ATAD2B: variants seen among roughly 807,000 people sequenced by gnomAD.
ATAD2B encodes ATPase family AAA domain containing 2B.
ATAD2B carries 40 observed loss-of-function variants against 167.6 expected under a neutral mutation model. The observed-to-expected ratio is 0.24, with a 90% CI of 0.19 to 0.31. The LOEUF is 0.31. ATAD2B is among the 10% of genes least tolerant of loss of function. The pLI is 1.00. For missense variants in ATAD2B, 1,242 were observed against 1,757.2 expected (o/e 0.71, Z 5.24); for synonymous variants, 579 against 596.5 (o/e 0.97, Z 0.43).
chr2:23,872,158 G>A (rs1015608347), intron 8 of ATAD2B: 4 of 289,380 alleles, frequency 1.4e-5, no homozygotes, highest in East Asian at 8.5e-5. Flanking sequence ...TTACAGGCAT[G>A]AGCCACCATG....
the ATAD2B span, among the ~76,000 whole-genome samples, chr2:23,687,664 A>G: frequency 1.3e-5 from 2 of 152,146 alleles, no homozygotes; most frequent in African/African-American, 2.4e-5. Context: ...GGTCATTCAG[A>G]GAGGCTCCTT....
intron 16 of ATAD2B, among the ~76,000 whole-genome samples, chr2:23,822,917 CAAAAAAAAAAAAAA>C (rs33911389): frequency 3.0e-5 from 2 of 66,314 alleles, no homozygotes; most frequent in Non-Finnish European, 2.6e-5. Context: ...AACTCCATCT[CAAAAAAAAAAAAAA>C]AAAAAAAAAA....
At chr2:23,905,159 G>A (rs1399945363) in intron 1 of ATAD2B, among the ~76,000 whole-genome samples, 1 of 152,022 alleles carries the variant, frequency 6.6e-6, no homozygotes, top group African/African-American at 2.4e-5. Context: ...TTTCTAAAAG[G>A]TAGTTTCTAA....
chr2:23,768,312 C>A (rs72780112), intron 22 of ATAD2B, among the ~76,000 whole-genome samples: 1 of 151,958 alleles, frequency 6.6e-6, no homozygotes, highest in South Asian at 2.1e-4. Flanking sequence ...GGTAGTAGGA[C>A]TGCTTGAGCC....
At chr2:23,804,656 T>C (rs1440367834) in intron 18 of ATAD2B, among the ~76,000 whole-genome samples, 3 of 148,086 alleles carry the variant, frequency 2.0e-5, no homozygotes, top group Non-Finnish European at 3.0e-5. Flanking sequence ...TTCAGAATCA[T>C]GCCACGAAAA....
At chr2:23,766,601 C>T (rs1463557863) in intron 22 of ATAD2B, among the ~76,000 whole-genome samples, 1 of 152,152 alleles carries the variant, frequency 6.6e-6, no homozygotes, top group Non-Finnish European at 1.5e-5. Context: ...CAAATGTTGT[C>T]GACTGCACCA....
chr2:23,859,457 TG>T (rs1239734210), intron 12 of ATAD2B, among the ~76,000 whole-genome samples: 1 of 152,048 alleles, frequency 6.6e-6, no homozygotes, highest in Non-Finnish European at 1.5e-5. Context: ...TACAGGTCCA[TG>T]CCAACACACT....
At chr2:23,767,164 C>A (rs538081395) in intron 22 of ATAD2B, among the ~76,000 whole-genome samples, 3 of 152,092 alleles carry the variant, frequency 2.0e-5, no homozygotes, top group African/African-American at 7.2e-5. Flanking sequence ...CAATTACCTG[C>A]TCCACCCTGA....
intron 18 of ATAD2B, among the ~76,000 whole-genome samples, chr2:23,804,646 T>A (rs1424496800): frequency 3.3e-5 from 5 of 150,778 alleles, no homozygotes; most frequent in Non-Finnish European, 7.4e-5. Flanking sequence ...CCAAGCAGGA[T>A]TCAGAATCAT....
chr2:23,696,643 T>A, the ATAD2B span: 1 of 704,250 alleles, frequency 1.4e-6, no homozygotes, highest in Non-Finnish European at 2.3e-6. This position sits in a 1 kb window ranked among gnomAD's most constrained non-coding sequence, Gnocchi z 5.5. Context: ...ATATGGGCAG[T>A]CATCCCAGGC....
intron 1 of ATAD2B, 58 bp downstream of exon 1, chr2:23,926,497 G>C: frequency 6.6e-7 from 1 of 1,516,382 alleles, no homozygotes; most frequent in South Asian, 1.2e-5. Flanking sequence ...GCCAGACAAA[G>C]CCCCGGCAGC....
intron 22 of ATAD2B, among the ~76,000 whole-genome samples, chr2:23,774,169 A>G (rs894954677): frequency 2.0e-5 from 3 of 152,206 alleles, no homozygotes; most frequent in Non-Finnish European, 4.4e-5. Context: ...TAAATAAGAA[A>G]TTTGGCTGGG....
At chr2:23,835,100 T>C (rs1017329539) in intron 13 of ATAD2B, among the ~76,000 whole-genome samples, 1 of 152,176 alleles carries the variant, frequency 6.6e-6, no homozygotes, top group African/African-American at 2.4e-5. Flanking sequence ...ATACACTGAC[T>C]GATGGGTGGG....
chr2:23,862,555 C>G (rs1194983371), intron 12 of ATAD2B, among the ~76,000 whole-genome samples: 1 of 151,896 alleles, frequency 6.6e-6, no homozygotes, highest in African/African-American at 2.4e-5. Context: ...GGATTACAGG[C>G]GTCAGCCACT....
At chr2:23,763,752 G>C (rs1677049499) in intron 23 of ATAD2B, among the ~76,000 whole-genome samples, 3 of 152,060 alleles carry the variant, frequency 2.0e-5, no homozygotes, top group Admixed American at 6.6e-5. Flanking sequence ...ACCACGCCTA[G>C]CTAATATTTC....
At chr2:23,766,589 A>G (rs916575819) in intron 22 of ATAD2B, among the ~76,000 whole-genome samples, 1 of 152,196 alleles carries the variant, frequency 6.6e-6, no homozygotes, top group Admixed American at 6.5e-5. Context: ...ACATTCACTC[A>G]ACAAATGTTG....
At chr2:23,773,017 C>T (rs147095012) in intron 22 of ATAD2B, among the ~76,000 whole-genome samples, 1 of 152,328 alleles carries the variant, frequency 6.6e-6, no homozygotes, top group Non-Finnish European at 1.5e-5. Context: ...GCTGGGATTA[C>T]AGGTGTGGGC....
rs1222244577 is a variant in ATAD2B, at chr2:23,883,713, T to C, written c.784+1052A>G. ...CTCTTCAAAATTGACTAATAAAATA[T>C]TAACTACAGAATTTTTAAAAAACAT... On this transcript the variant is annotated intron_variant, in intron 6 of 27. Transcript: ENST00000238789. The C allele has an allele frequency of 1.4e-5, 10 of 712,244 alleles. No homozygotes were observed. The East Asian group carries it at 6.3e-4, about 45-fold the overall frequency. 44.1% of individuals were successfully genotyped at this position (712,244 alleles called of 1,614,324 possible).
At chr2:23,791,911 T>C (rs1238965346) in intron 19 of ATAD2B, among the ~76,000 whole-genome samples, 1 of 152,174 alleles carries the variant, frequency 6.6e-6, no homozygotes, top group Non-Finnish European at 1.5e-5. Flanking sequence ...CTTGATTGGC[T>C]GGATCATATG....
Sources: allele counts gnomAD v4.1 joint callset (sites outside exome capture counted in the v4.1 genomes callset), GRCh38; gene constraint gnomAD v4.1.1; non-coding constraint Gnocchi (gnomAD v3.1); transcripts MANE v1.5; gene names NCBI Gene and HGNC (gene_info 2026-07-23, HGNC 2026-07-21).